The following BMP1 variants were observed in gnomAD, a reference collection of about 807,000 sequenced individuals.
The protein encoded by BMP1 is bone morphogenetic protein 1.
In BMP1, 63 loss-of-function variants were observed where a neutral mutation model predicts 116.8. That is an observed-to-expected ratio of 0.54 (90% confidence interval 0.44 to 0.67). The LOEUF is 0.67. Ranked by LOEUF, BMP1 falls within the 30% of genes least tolerant of loss-of-function variation. The pLI is 0.00. For synonymous variants in BMP1, 536 were observed against 533.4 expected (o/e 1.00, Z -0.07); for missense variants, 1,183 against 1,358.9 (o/e 0.87, Z 2.04).
chr8:22,205,778 T>G (rs1251049706), intron 16 of BMP1, among the ~76,000 whole-genome samples: 1 of 152,086 alleles, frequency 6.6e-6, no homozygotes, highest in Admixed American at 6.5e-5. Context: ...CCATTTTTGT[T>G]TTTGTTTTTT....
At position 22,199,262 on chromosome 8, in the gene BMP1, A is replaced by G. The variant is rs780697561; in HGVS notation, c.2107+1842A>G. ...CCGGGGCATCTGACTCTGGCCCCCC[A>G]GGAGGGGAGCTATTTGGACTTTTGG... is the stretch of plus-strand genomic sequence containing the variant. On this transcript the variant is annotated intron_variant, in intron 15 of 19. Transcript: ENST00000306385. 6 of 1,367,226 alleles carry G rather than the reference A, an allele frequency of 4.4e-6. No homozygotes were observed. In the African/African-American group the frequency reaches 7.4e-5, roughly 17 times the overall value. The allele number at this position is 1,367,226 out of a possible 1,614,324, so 84.7% of individuals were successfully genotyped here.
At chr8:22,199,184 A>G (rs1453560824) in intron 15 of BMP1, 1 of 1,367,492 alleles carries the variant, frequency 7.3e-7, no homozygotes, top group Non-Finnish European at 9.8e-7. Context: ...CCCATCGCAC[A>G]AGAAACCTGC....
rs1340068627 is a variant in BMP1 at position 22,179,302 on chromosome 8, G to T, written c.837-403G>T. 6.6e-6 allele frequency among the ~76,000 whole-genome samples: 1 copy of T among 152,236 alleles called. No homozygotes were observed. The highest frequency in any genetic ancestry group is 1.5e-5 in the Non-Finnish European group (1 of 68,042). ...CCTGGGGAGTCCTGGGAGAAGTTTA[G>T]TTAGGGCTGGAGCAGCATGAGGGGC... is the stretch of plus-strand genomic sequence containing the variant. On this transcript the variant is annotated intron_variant, in intron 6 of 19. Transcript: ENST00000306385. The surrounding 1 kb of genome is among the most constrained non-coding windows in gnomAD (Gnocchi z 4.6).
At chr8:22,201,376 C>T (rs1014174888) in intron 15 of BMP1, 23 of 1,469,386 alleles carry the variant, frequency 1.6e-5, no homozygotes, top group Middle Eastern at 2.6e-4. Context: ...GTCCGCGGAC[C>T]GGGGACCCTT....
Position 22,211,886 on chromosome 8 carries a change from A to C in BMP1, c.*158A>C. ...TGAGACTGTCCATAGGAGGTGGGGG[A>C]ACTGGACTCCGGCATAAGCCACTTC... On this transcript the variant is annotated 3_prime_UTR_variant, in exon 20 of 20. Coordinates refer to ENST00000306385, the MANE Select transcript of BMP1 (RefSeq NM_006129.5). The C allele has an allele frequency of 8.8e-7, 1 of 1,132,326 alleles. No homozygotes were observed. Among genetic ancestry groups the C allele is most frequent in the Non-Finnish European group, 1.2e-6 (1 of 809,776 alleles). The allele number at this position is 1,132,326 out of a possible 1,614,324, so 70.1% of individuals were successfully genotyped here.
Position 22,194,537 on chromosome 8 carries a change from C to T in BMP1, c.1390C>T (p.Arg464Trp), listed in dbSNP as rs752931211. ...DYRPSKVCIW[R>W]IQVSEGFHVG... is the part of the protein sequence containing the mutation. ...CCGGCCCAGCAAAGTCTGCATCTGGCGGATCCAGGTGTCTGAGGGCTTCCA... is the reference window on the plus strand; with the variant it reads ...CCGGCCCAGCAAAGTCTGCATCTGGTGGATCCAGGTGTCTGAGGGCTTCCA... Residue 464 changes from arginine (R) to tryptophan (W), a missense_variant, in exon 11 of 20, where the codon CGG (arginine) becomes TGG (tryptophan). Arg to Trp is a moderately radical substitution (Grantham distance 101). Coordinates refer to ENST00000306385, the MANE Select transcript of BMP1 (RefSeq NM_006129.5). The surrounding 1 kb of genome is among the most constrained non-coding windows in gnomAD (Gnocchi z 4.5). 1.2e-5 allele frequency: 20 copies of T among 1,614,060 alleles called. No homozygotes were observed. Among genetic ancestry groups the T allele is most frequent in the African/African-American group, 1.1e-4 (8 of 74,910 alleles).
At chr8:22,196,063 C>T (rs1829075614) in intron 13 of BMP1, 1 of 390,250 alleles carries the variant, frequency 2.6e-6, no homozygotes, top group Non-Finnish European at 5.1e-6. Flanking sequence ...AACACACTGT[C>T]CCCCCGTAGG....
Position 22,194,198 on chromosome 8 carries a change from G to A in BMP1, c.1297+24G>A. The A allele has an allele frequency of 6.2e-7, 1 of 1,603,246 alleles. No individual in the cohort carries two copies. Among genetic ancestry groups the A allele is most frequent in the East Asian group, 2.2e-5 (1 of 44,824 alleles). On this transcript the variant is annotated intron_variant, in intron 10 of 19. Coordinates refer to ENST00000306385, the MANE Select transcript of BMP1 (RefSeq NM_006129.5). This position sits in a 1 kb window ranked among gnomAD's most constrained non-coding sequence, Gnocchi z 4.5. ...AGGTACTGAGGAAGGCGGCGGGCGG[G>A]AGGAGTCAGATAGGAGGTCTCTGGG...
chr8:22,171,450 TA>T (rs1442544486), intron 1 of BMP1: 2 of 152,212 alleles, frequency 1.3e-5, no homozygotes, highest in Admixed American at 6.5e-5. Context: ...TTTCAACATT[TA>T]CATAAGGTGT....
intron 16 of BMP1, among the ~76,000 whole-genome samples, chr8:22,202,712 G>A (rs1829289249): frequency 6.6e-6 from 1 of 152,136 alleles, no homozygotes; most frequent in South Asian, 2.1e-4. Context: ...TTTTAAACTA[G>A]AAATAAAGTA....
At chr8:22,209,215 C>T (rs1011699882) in intron 18 of BMP1, among the ~76,000 whole-genome samples, 1 of 152,202 alleles carries the variant, frequency 6.6e-6, no homozygotes, top group South Asian at 2.1e-4. Flanking sequence ...TGCTGTCTTC[C>T]TCTCGGTGAG....
intron 18 of BMP1, among the ~76,000 whole-genome samples, 193 bp from the exon 19 acceptor site, chr8:22,209,252 G>A (rs1311145522): frequency 6.6e-6 from 1 of 152,148 alleles, no homozygotes; most frequent in East Asian, 1.9e-4. Flanking sequence ...CCTCAGCCTA[G>A]GGCCAAGGTC....
chr8:22,173,759 TC>T, intron 2 of BMP1, 44 bp downstream of exon 2: 2 of 1,510,566 alleles, frequency 1.3e-6, no homozygotes, highest in Non-Finnish European at 1.8e-6. Flanking sequence ...AGAAATGGGT[TC>T]CAGGCTTAGG....
intron 2 of BMP1, among the ~76,000 whole-genome samples, chr8:22,174,429 G>A (rs1828370680): frequency 6.6e-6 from 1 of 152,028 alleles, no homozygotes; most frequent in Admixed American, 6.6e-5. Flanking sequence ...AACCCATGTG[G>A]TACTTGTGCA....
chr8:22,209,629 C>A lies in BMP1; in HGVS notation c.2760C>A (p.Asp920Glu). ...EVEEETDCGY[D>E]YMELFDGYDS... is the part of the protein sequence containing the mutation. ...AGGAGGAGACCGACTGCGGCTATGA[C>A]TACATGGAGCTCTTCGACGGCTACG... The change falls in exon 19 of 20, where the codon GAC becomes GAA. Residue 920 changes from aspartate (D) to glutamate (E), a missense_variant. This residue lies in a region of BMP1 where 956 missense variants were observed against 1,135.2 expected (regional missense o/e 0.84). Coordinates refer to ENST00000306385, the MANE Select transcript of BMP1 (RefSeq NM_006129.5). 6.2e-7 allele frequency: 1 copy of A among 1,614,174 alleles called. No individual in the cohort carries two copies. Among genetic ancestry groups the A allele is most frequent in the Non-Finnish European group, 8.5e-7 (1 of 1,180,016 alleles).
intron 18 of BMP1, among the ~76,000 whole-genome samples, chr8:22,208,449 C>T (rs1417791444): frequency 2.0e-5 from 3 of 152,192 alleles, no homozygotes; most frequent in Admixed American, 6.5e-5. Context: ...AGGCACCGCC[C>T]GTGACAGCAT....
In BMP1 at chr8:22,197,258, G is replaced by A. The variant is rs1167229119; in HGVS notation, c.1945G>A (p.Val649Met). The A allele has an allele frequency of 1.2e-5, 20 of 1,611,376 alleles. No individual in the cohort carries two copies. The highest frequency in any genetic ancestry group is 1.5e-5 in the Non-Finnish European group (18 of 1,177,840). The stretch of plus-strand genomic sequence containing the variant: ...CCTGCAGGTGTGCAAGTACGACTTC[G>A]TGGAGGTGCGCAGTGGACTCACAGC... ...EGNDVCKYDF[V>M]EVRSGLTADS... The change falls in exon 15 of 20, where the codon GTG becomes ATG. Residue 649 changes from valine (V) to methionine (M), a missense_variant. Around this residue, in one of 4 missense-constraint regions of BMP1, gnomAD observed 956 missense variants for 1,135.2 expected, o/e 0.84. Transcript: ENST00000306385.
At chr8:22,192,389 C>T (rs1828960492) in intron 9 of BMP1, 1 of 429,644 alleles carries the variant, frequency 2.3e-6, no homozygotes, top group East Asian at 4.4e-5. Flanking sequence ...ACTTCTGGGC[C>T]TCCCTGTGAA....
intron 8 of BMP1, among the ~76,000 whole-genome samples, chr8:22,185,671 G>T (rs1434123505): frequency 6.6e-6 from 1 of 151,492 alleles, no homozygotes; most frequent in African/African-American, 2.4e-5. Context: ...GCCCAAGCTG[G>T]AGTGCAGTGG....
Sources: allele counts gnomAD v4.1 joint callset (sites outside exome capture counted in the v4.1 genomes callset), GRCh38; gene constraint gnomAD v4.1.1; regional missense constraint gnomAD v4.1.1; non-coding constraint Gnocchi (gnomAD v3.1); transcripts MANE v1.5; gene names NCBI Gene and HGNC (gene_info 2026-07-23, HGNC 2026-07-21).